Variants in SPNS3 observed in about 807,000 individuals in gnomAD.
The protein encoded by SPNS3 is SPNS lysolipid transporter 3, sphingosine-1-phosphate (putative).
SPNS3 carries 51 observed loss-of-function variants against 54.4 expected under a neutral mutation model. The observed-to-expected ratio is 0.94, with a 90% CI of 0.75 to 1.18. The LOEUF (loss-of-function observed/expected upper bound fraction) is 1.18. Among genes scored for constraint, SPNS3 ranks in the 50% most tolerant of loss-of-function variants. The pLI, the probability that SPNS3 is intolerant of heterozygous loss-of-function variation, is 0.00. For missense variants in SPNS3, 669 were observed against 677.4 expected, an observed-to-expected ratio of 0.99 and a Z score of 0.14; for synonymous variants, 309 against 294.7, an observed-to-expected ratio of 1.05 and a Z score of -0.50.
At chr17:4,461,491 A>G (rs570094678) in intron 8 of SPNS3, among the ~76,000 whole-genome samples, 2 of 148,026 alleles carry the variant, frequency 1.4e-5, no homozygotes, top group East Asian at 2.0e-4. Flanking sequence ...GAGCCACCCT[A>G]TCTGGCTGGC....
At chr17:4,474,040 A>G (rs1201178059) in intron 8 of SPNS3, among the ~76,000 whole-genome samples, 4 of 152,172 alleles carry the variant, frequency 2.6e-5, no homozygotes, top group African/African-American at 9.7e-5. Flanking sequence ...AGGGGCTGAG[A>G]CAGGCCCACT....
At chr17:4,450,191 G>A (rs951137043) in intron 7 of SPNS3, among the ~76,000 whole-genome samples, 17 of 151,574 alleles carry the variant, frequency 1.1e-4, no homozygotes, top group Non-Finnish European at 2.2e-4. Flanking sequence ...CTCCCCCAGG[G>A]TTTTGGCGAC....
At chr17:4,487,553 T>C (rs1972355789) in intron 11 of SPNS3, among the ~76,000 whole-genome samples, 1 of 152,222 alleles carries the variant, frequency 6.6e-6, no homozygotes, top group South Asian at 2.1e-4. Flanking sequence ...AGCATCTCCC[T>C]GGCTGCTGTG....
chr17:4,452,967 ATGCTAAGCTCACCCAGC>A (rs1567560286), intron 7 of SPNS3, 32 bp from the exon 8 acceptor site: 23 of 1,568,178 alleles, frequency 1.5e-5, no homozygotes, highest in Non-Finnish European at 1.9e-5. Flanking sequence ...AAGAGTCCCT[ATGCTAAGCTCACCCAGC>A]TGACCAACCC....
chr17:4,449,107 C>A, intron 6 of SPNS3, 128 bp from the exon 7 acceptor site: 1 of 1,095,238 alleles, frequency 9.1e-7, no homozygotes, highest in Non-Finnish European at 1.3e-6. Flanking sequence ...CAAATGCTAC[C>A]TATGGAATCT....
intron 8 of SPNS3, among the ~76,000 whole-genome samples, chr17:4,476,725 T>C (rs1285315275): frequency 1.3e-5 from 2 of 152,126 alleles, no homozygotes; most frequent in Non-Finnish European, 2.9e-5. Context: ...CCCCATGTCC[T>C]AGGCCTGAGG....
At chr17:4,456,883 T>G (rs1971330837) in intron 8 of SPNS3, among the ~76,000 whole-genome samples, 1 of 152,090 alleles carries the variant, frequency 6.6e-6, no homozygotes, top group South Asian at 2.1e-4. Context: ...CCCAGCTAAT[T>G]TTTGTATTTT....
intron 5 of SPNS3, 21 bp from the exon 6 acceptor site, chr17:4,448,134 C>T (rs368793743): frequency 1.7e-4 from 271 of 1,563,430 alleles, no homozygotes; most frequent in Non-Finnish European, 2.1e-4. Flanking sequence ...CCCTGAGCTT[C>T]CTGGGCCCTC....
At chr17:4,480,647 G>A (rs1972125549) in intron 9 of SPNS3, among the ~76,000 whole-genome samples, 1 of 150,550 alleles carries the variant, frequency 6.6e-6, no homozygotes, top group African/African-American at 2.4e-5. Context: ...GGTTAAAGAG[G>A]AGAGTGTGTG....
At chr17:4,460,789 G>A (rs114228592) in intron 8 of SPNS3, among the ~76,000 whole-genome samples, 44 of 152,040 alleles carry the variant, frequency 2.9e-4, no homozygotes, top group African/African-American at 9.2e-4. Flanking sequence ...ATTTTTGCAC[G>A]TACATTCATA....
intron 1 of SPNS3, among the ~76,000 whole-genome samples, chr17:4,437,010 C>T (rs1970733351): frequency 6.6e-6 from 1 of 152,240 alleles, no homozygotes; most frequent in East Asian, 1.9e-4. Context: ...CTTGCCTGTC[C>T]AGGTCCCTTC....
intron 9 of SPNS3, among the ~76,000 whole-genome samples, chr17:4,481,092 C>T (rs1972138364): frequency 6.6e-6 from 1 of 152,042 alleles, no homozygotes. Context: ...AGACAATTCC[C>T]TTGAGGAGCT....
At chr17:4,451,460 T>C (rs1345447255) in intron 7 of SPNS3, among the ~76,000 whole-genome samples, 1 of 151,936 alleles carries the variant, frequency 6.6e-6, no homozygotes, top group Non-Finnish European at 1.5e-5. Flanking sequence ...TTCTCAGTCA[T>C]TTGTGCAAAG....
chr17:4,453,081 C>A lies in SPNS3; in HGVS notation c.989C>A (p.Ala330Glu), dbSNP rs141682810. ...VIGVILGAEA[A>E]RRYKKVIPGA... ...GGGGTCATCTTGGGGGCAGAAGCTG[C>A]GAGGAGGTACAAGAAAGTCATTCCA... The change falls in exon 8 of 12, where the codon GCG becomes GAG. Residue 330 changes from alanine to glutamate, a missense_variant. Coordinates refer to ENST00000355530, the MANE Select transcript of SPNS3 (RefSeq NM_182538.5). 1 of 1,613,938 alleles carries A rather than the reference C, an allele frequency of 6.2e-7. No individual in the cohort carries two copies. The highest frequency in any genetic ancestry group is 8.5e-7 in the Non-Finnish European group (1 of 1,179,972).
chr17:4,436,019 C>CACTA (rs1970709642), intron 1 of SPNS3, among the ~76,000 whole-genome samples: 1 of 138,494 alleles, frequency 7.2e-6, no homozygotes, highest in African/African-American at 2.8e-5. Flanking sequence ...ACCGGCTGAG[C>CACTA]ACTAACTGTG....
At position 4,439,647 on chromosome 17, in the gene SPNS3, T is replaced by A. The variant is rs573087786; in HGVS notation, c.200-11T>A. 278 of 1,611,914 alleles carry A rather than the reference T, an allele frequency of 1.7e-4. 2 individuals carry two copies. In the South Asian group the frequency reaches 2.8e-3, roughly 16 times the overall value. ...CTTCCCGTTTCCTGAGCACTGTCCC[T>A]CTGTCTGCAGGAGTGCTGCTGGATA... On this transcript the variant is annotated splice_polypyrimidine_tract_variant and intron_variant, in intron 1 of 11. Transcript: ENST00000355530.
chr17:4,454,856 C>G (rs559337938), intron 8 of SPNS3, among the ~76,000 whole-genome samples: 4 of 151,412 alleles, frequency 2.6e-5, no homozygotes, highest in African/African-American at 9.7e-5. Context: ...AACTCCTGAC[C>G]TCGTGATCCA....
chr17:4,485,446 G>A (rs1404097341), intron 9 of SPNS3, among the ~76,000 whole-genome samples: 1 of 148,548 alleles, frequency 6.7e-6, no homozygotes, highest in Non-Finnish European at 1.5e-5. Flanking sequence ...TGCCCAGGTT[G>A]GATTGCAGTG....
Position 4,486,575 on chromosome 17 carries a change from C to T in SPNS3, c.1442C>T (p.Pro481Leu). The change falls in exon 11 of 12, where the codon CCT (proline) becomes CTT (leucine). Residue 481 changes from proline to leucine, a missense_variant. By Grantham distance (98) the Pro-to-Leu change is moderately conservative. Transcript: ENST00000355530. This position sits in a 1 kb window ranked among gnomAD's most constrained non-coding sequence, Gnocchi z 5.5. ...AGAGACGAGACCCGGGCCTGGCAGC[C>T]TGTCACAGGTACCCTACCCATTGCA... ...LERDETRAWQ[P>L]VTGTPDSNDV... is the part of the protein sequence containing the mutation. The T allele has an allele frequency of 6.2e-7, 1 of 1,611,928 alleles. No homozygotes were observed. Among genetic ancestry groups the T allele is most frequent in the Non-Finnish European group, 8.5e-7 (1 of 1,179,180 alleles).
Sources: gnomAD v4.1 joint callset for allele counts (sites outside exome capture counted in the v4.1 genomes callset) on GRCh38, gnomAD v4.1.1 for gene constraint, Gnocchi (gnomAD v3.1) non-coding constraint, MANE v1.5 for transcripts, NCBI Gene and HGNC (gene_info 2026-07-23, HGNC 2026-07-21) for gene names.